The following TMEFF2 variants were observed in gnomAD, a reference collection of about 807,000 sequenced individuals.
TMEFF2 encodes the protein transmembrane protein with EGF like and two follistatin like domains 2.
TMEFF2 carries 28 observed loss-of-function variants against 53.8 expected under a neutral mutation model. The ratio of observed to expected loss-of-function variants is 0.52; its 90% CI spans 0.39 to 0.71. TMEFF2 has a LOEUF of 0.71. Ranked by LOEUF, TMEFF2 falls within the 30% of genes least tolerant of loss-of-function variation. TMEFF2 has a pLI of 0.00. For missense variants in TMEFF2, 353 were observed against 455.2 expected (o/e 0.78, Z 2.04); for synonymous variants, 162 against 166.3 (o/e 0.97, Z 0.20).
intron 4 of TMEFF2, among the ~76,000 whole-genome samples, chr2:192,093,888 A>G (rs1688846888): frequency 6.6e-6 from 1 of 152,170 alleles, no homozygotes; most frequent in Non-Finnish European, 1.5e-5. Context: ...CAAAAGAAAA[A>G]AAAGCGAAGT....
intron 4 of TMEFF2, chr2:192,178,882 AT>A (rs1325071901): frequency 6.6e-6 from 1 of 151,430 alleles, no homozygotes; most frequent in East Asian, 1.9e-4. Flanking sequence ...GAAATTATAT[AT>A]AGGTTGTGTT....
intron 9 of TMEFF2, among the ~76,000 whole-genome samples, chr2:191,951,774 T>C (rs1247529852): frequency 1.8e-4 from 28 of 152,168 alleles, no homozygotes; most frequent in Admixed American, 6.5e-5. Flanking sequence ...GAAGGTTTGG[T>C]GGTCTTAAGG....
At chr2:192,030,977 C>T (rs1687119254) in intron 5 of TMEFF2, among the ~76,000 whole-genome samples, 1 of 152,074 alleles carries the variant, frequency 6.6e-6, no homozygotes, top group Non-Finnish European at 1.5e-5. Context: ...AAACAGATAC[C>T]TAAAATAGAG....
intron 4 of TMEFF2, among the ~76,000 whole-genome samples, chr2:192,113,342 T>C (rs1257299284): frequency 6.6e-6 from 1 of 152,188 alleles, no homozygotes; most frequent in Non-Finnish European, 1.5e-5. Context: ...TAAATTATAG[T>C]GTTCCTTGAA....
intron 4 of TMEFF2, among the ~76,000 whole-genome samples, chr2:192,135,799 C>T (rs975226413): frequency 6.6e-6 from 1 of 151,926 alleles, no homozygotes. Context: ...CCCGCCTTAA[C>T]TGATGACACT....
intron 5 of TMEFF2, among the ~76,000 whole-genome samples, chr2:192,027,109 T>C (rs1014836312): frequency 6.6e-6 from 1 of 152,176 alleles, no homozygotes; most frequent in Non-Finnish European, 1.5e-5. Flanking sequence ...AATCCATGTT[T>C]AGAGGGGGGA....
chr2:192,131,287 T>C (rs1229512819), intron 4 of TMEFF2, among the ~76,000 whole-genome samples: 1 of 148,922 alleles, frequency 6.7e-6, no homozygotes, highest in Non-Finnish European at 1.5e-5. Flanking sequence ...CTTCTCTGCT[T>C]TTCTGGGGAA....
intron 4 of TMEFF2, among the ~76,000 whole-genome samples, chr2:192,117,661 C>T (rs1339766823): frequency 6.6e-6 from 1 of 151,958 alleles, no homozygotes; most frequent in African/African-American, 2.4e-5. Context: ...CTTTTTCCAC[C>T]TCCCCACCCC....
At chr2:191,962,592 T>C (rs1692304953) in intron 7 of TMEFF2, among the ~76,000 whole-genome samples, 1 of 152,202 alleles carries the variant, frequency 6.6e-6, no homozygotes, top group South Asian at 2.1e-4. Context: ...TTTCTATTTG[T>C]AATATATTTA....
At chr2:191,957,935 G>A (rs1482087543) in intron 7 of TMEFF2, among the ~76,000 whole-genome samples, 1 of 152,058 alleles carries the variant, frequency 6.6e-6, no homozygotes, top group Non-Finnish European at 1.5e-5. Flanking sequence ...AACTTTTTTG[G>A]TTTCTTCCCT....
intron 5 of TMEFF2, among the ~76,000 whole-genome samples, chr2:192,047,371 C>T (rs973113419): frequency 6.6e-6 from 1 of 152,108 alleles, no homozygotes; most frequent in Non-Finnish European, 1.5e-5. Context: ...ATTATAAGCC[C>T]TTATGGCTTG....
In TMEFF2 at chr2:191,949,161, A is replaced by G. The variant is rs1691790087; in HGVS notation, c.*1150T>C. 2 of 985,222 alleles carry G rather than the reference A, an allele frequency of 2.0e-6. No homozygotes were observed. The highest frequency in any genetic ancestry group is 6.2e-5 in the Admixed American group (1 of 16,258). 61.0% of individuals were successfully genotyped at this position (985,222 alleles called of 1,614,324 possible). On this transcript the variant is annotated 3_prime_UTR_variant, in exon 10 of 10. Coordinates refer to ENST00000272771, the MANE Select transcript of TMEFF2 (RefSeq NM_016192.4). Reference sequence around the variant, plus strand: ...CATCTTATTCCTTGAGAATTTTCACAGCTTATTTTTTCCAGATCAAGTTGT... The same window carrying G: ...CATCTTATTCCTTGAGAATTTTCACGGCTTATTTTTTCCAGATCAAGTTGT...
chr2:192,139,888 G>C (rs1210428943), intron 4 of TMEFF2, among the ~76,000 whole-genome samples: 2 of 152,146 alleles, frequency 1.3e-5, no homozygotes, highest in East Asian at 3.9e-4. Flanking sequence ...TTGTAAATCT[G>C]TAGGAAGGAG....
At chr2:192,003,267 T>C (rs545290141) in intron 5 of TMEFF2, among the ~76,000 whole-genome samples, 2 of 152,290 alleles carry the variant, frequency 1.3e-5, no homozygotes, top group East Asian at 3.9e-4. Context: ...TGGAGAAGTC[T>C]CACAGCTTGA....
intron 5 of TMEFF2, among the ~76,000 whole-genome samples, chr2:192,027,250 G>C (rs555093792): frequency 1.3e-5 from 2 of 152,254 alleles, no homozygotes; most frequent in African/African-American, 4.8e-5. Context: ...TTCTCATTAT[G>C]GTAATTTTTC....
chr2:191,950,184 T>C lies in TMEFF2; in HGVS notation c.*127A>G, dbSNP rs1035865503. 10 of 1,494,026 alleles carry C rather than the reference T, an allele frequency of 6.7e-6. No individual in the cohort carries two copies. Among genetic ancestry groups the C allele is most frequent in the Non-Finnish European group, 8.9e-6 (10 of 1,126,362 alleles). The allele number at this position is 1,494,026 out of a possible 1,614,324, so 92.5% of individuals were successfully genotyped here. Reference sequence around the variant, plus strand: ...TCAAATATAGCTGTAGTACATGTTTTCATTGGTGTAGATTACCACAAATGC... The same window carrying C: ...TCAAATATAGCTGTAGTACATGTTTCCATTGGTGTAGATTACCACAAATGC... On this transcript the variant is annotated 3_prime_UTR_variant, in exon 10 of 10. Coordinates refer to ENST00000272771, the MANE Select transcript of TMEFF2 (RefSeq NM_016192.4).
chr2:192,028,811 T>C (rs1164965726), intron 5 of TMEFF2: 1 of 152,174 alleles, frequency 6.6e-6, no homozygotes, highest in East Asian at 1.9e-4. Flanking sequence ...TTAGATGCTC[T>C]TATATTTGCA....
chr2:191,992,478 A>C (rs1686130072), intron 7 of TMEFF2, among the ~76,000 whole-genome samples: 1 of 152,078 alleles, frequency 6.6e-6, no homozygotes, highest in Admixed American at 6.6e-5. Context: ...ACAGGTAGGC[A>C]GTCAAAATGT....
Position 191,949,577 on chromosome 2 carries a change from T to G in TMEFF2, c.*734A>C, listed in dbSNP as rs996933947. 2.0e-6 allele frequency: 2 copies of G among 985,432 alleles called. No individual in the cohort carries two copies. The highest frequency in any genetic ancestry group is 2.4e-6 in the Non-Finnish European group (2 of 829,924). 61.0% of individuals were successfully genotyped at this position (985,432 alleles called of 1,614,324 possible). ...TGTGTATACCTAGTATGTAACTTGT[T>G]CAGTAAGTTCAGATATATGCACTTA... On this transcript the variant is annotated 3_prime_UTR_variant, in exon 10 of 10. Transcript: ENST00000272771.
Sources: allele counts gnomAD v4.1 joint callset (sites outside exome capture counted in the v4.1 genomes callset), GRCh38; gene constraint gnomAD v4.1.1; transcripts MANE v1.5; gene names NCBI Gene and HGNC (gene_info 2026-07-23, HGNC 2026-07-21).